Variants in TBC1D5 observed in about 807,000 individuals in gnomAD.
TBC1D5 encodes TBC1 domain family, member 5.
A neutral mutation model predicts 100.3 loss-of-function variants in TBC1D5; 75 were observed. The ratio of observed to expected loss-of-function variants is 0.75; its 90% confidence interval spans 0.62 to 0.91. The LOEUF is 0.91. Among genes scored for constraint, TBC1D5 ranks in the 40% least tolerant of loss-of-function variants. TBC1D5 has a pLI of 0.00. For missense variants in TBC1D5, 910 were observed against 942.4 expected (o/e 0.97, Z 0.45); for synonymous variants, 323 against 325.6 (o/e 0.99, Z 0.09).
At chr3:17,160,912 G>C in exon 22 of TBC1D5, 1 of 1,568,956 alleles carries the variant, frequency 6.4e-7, no homozygotes, top group South Asian at 1.2e-5. Context: ...TCTGGCCTTG[G>C]GGCCACTGAA....
intron 11 of TBC1D5, 22 bp downstream of exon 11, chr3:17,374,602 TAAAAC>T: frequency 2.5e-6 from 4 of 1,610,068 alleles, no homozygotes; most frequent in Admixed American, 1.7e-5. Context: ...TATAAAAAAA[TAAAAC>T]AAAGAAAGTT....
At chr3:17,167,957 G>T in intron 19 of TBC1D5, 129 bp from the exon 21 acceptor site, 1 of 672,606 alleles carries the variant, frequency 1.5e-6, no homozygotes, top group Middle Eastern at 2.5e-4. Flanking sequence ...CACAAAAGAT[G>T]CTCTGCAAAC....
intron 19 of TBC1D5, among the ~76,000 whole-genome samples, chr3:17,176,052 G>C (rs2067689820): frequency 6.6e-6 from 1 of 152,328 alleles, no homozygotes; most frequent in East Asian, 1.9e-4. Flanking sequence ...AACATGGAGA[G>C]GCAGCCTGGT....
chr3:17,530,061 T>C (rs758063201), intron 2 of TBC1D5, among the ~76,000 whole-genome samples: 2 of 151,938 alleles, frequency 1.3e-5, no homozygotes, highest in Admixed American at 6.6e-5. Context: ...CTGGCGAACA[T>C]AGTGAAATCC....
intron 3 of TBC1D5, among the ~76,000 whole-genome samples, chr3:17,506,066 T>C (rs1207756324): frequency 4.6e-5 from 7 of 152,216 alleles, no homozygotes. Context: ...TTTAAATACT[T>C]AGAAAATGAG....
At chr3:17,157,579 CCAGGTGT>C (rs1238038573) in exon 22 of TBC1D5, 1 of 152,328 alleles carries the variant, frequency 6.6e-6, no homozygotes, top group Non-Finnish European at 1.5e-5. Context: ...GGGCCAGGGG[CCAGGTGT>C]GTGTCCGCAG....
At chr3:17,340,149 T>C (rs1299318183) in intron 13 of TBC1D5, among the ~76,000 whole-genome samples, 2 of 152,100 alleles carry the variant, frequency 1.3e-5, no homozygotes, top group Non-Finnish European at 2.9e-5. Flanking sequence ...GGGGGTAAAG[T>C]AACACAAGAG....
intron 2 of TBC1D5, among the ~76,000 whole-genome samples, chr3:17,582,683 CAAA>C (rs141006663): frequency 1.2e-5 from 1 of 82,024 alleles, no homozygotes; most frequent in Non-Finnish European, 2.7e-5. Context: ...AGTATGCTAT[CAAA>C]AAAAAAAAAA....
At chr3:17,616,543 A>C (rs527865590) in intron 2 of TBC1D5, among the ~76,000 whole-genome samples, 2 of 152,184 alleles carry the variant, frequency 1.3e-5, no homozygotes, top group African/African-American at 2.4e-5. Context: ...GTAGGTCTTT[A>C]AGGACTTGCT....
chr3:17,668,733 C>A (rs1329622598), intron 1 of TBC1D5, among the ~76,000 whole-genome samples: 3 of 151,686 alleles, frequency 2.0e-5, no homozygotes, highest in African/African-American at 7.3e-5. Context: ...AGATTTTTAA[C>A]TTACCTCAAA....
chr3:17,618,529 G>T (rs2062378557), intron 2 of TBC1D5, among the ~76,000 whole-genome samples: 2 of 152,240 alleles, frequency 1.3e-5, no homozygotes, highest in Admixed American at 1.3e-4. Flanking sequence ...AGAGGCAATA[G>T]AACTTGCTGA....
exon 22 of TBC1D5, chr3:17,159,359 T>C (rs555970158): frequency 3.9e-5 from 6 of 152,200 alleles, no homozygotes; most frequent in Non-Finnish European, 7.3e-5. Flanking sequence ...TATAGAGATA[T>C]ATAAGGTTAG....
At chr3:17,522,083 A>T (rs2096069512) in intron 2 of TBC1D5, among the ~76,000 whole-genome samples, 1 of 152,098 alleles carries the variant, frequency 6.6e-6, no homozygotes. Context: ...AACATAACAT[A>T]TAAATATATA....
At chr3:17,689,907 C>CA (rs921784559) in intron 1 of TBC1D5, among the ~76,000 whole-genome samples, 16 of 140,284 alleles carry the variant, frequency 1.1e-4, no homozygotes, top group African/African-American at 3.9e-4. Context: ...CCCTCCCCCC[C>CA]AAAAAATCAG....
chr3:17,689,536 AG>A (rs139043517), intron 1 of TBC1D5, among the ~76,000 whole-genome samples: 3 of 150,116 alleles, frequency 2.0e-5, no homozygotes, highest in African/African-American at 7.4e-5. Flanking sequence ...AAAAAAAAAA[AG>A]AAAAGAAAAA....
intron 1 of TBC1D5, among the ~76,000 whole-genome samples, chr3:17,673,294 G>T (rs2068178502): frequency 6.8e-6 from 1 of 147,422 alleles, no homozygotes; most frequent in African/African-American, 2.5e-5. Context: ...CTTATTTTCT[G>T]TACTTTCTTT....
chr3:17,614,443 T>C (rs910576494), intron 2 of TBC1D5, among the ~76,000 whole-genome samples: 13 of 152,222 alleles, frequency 8.5e-5, no homozygotes, highest in South Asian at 2.1e-4. Context: ...GGTAGCTTGA[T>C]GGCGATGGTA....
At chr3:17,166,654 TTCA>T in intron 21 of TBC1D5, 110 bp downstream of exon 22, 1 of 1,450,386 alleles carries the variant, frequency 6.9e-7, no homozygotes, top group Non-Finnish European at 9.3e-7. Context: ...GCAGTTGAAC[TTCA>T]TACATGGTAA....
At chr3:17,597,549 C>T (rs1234529628) in intron 2 of TBC1D5, among the ~76,000 whole-genome samples, 1 of 152,088 alleles carries the variant, frequency 6.6e-6, no homozygotes, top group African/African-American at 2.4e-5. Flanking sequence ...TTATCATTAC[C>T]CACTCTGTTC....
Sources: allele counts gnomAD v4.1 joint callset (sites outside exome capture counted in the v4.1 genomes callset), GRCh38; gene constraint gnomAD v4.1.1; transcripts MANE v1.5; gene names NCBI Gene and HGNC (gene_info 2026-07-23, HGNC 2026-07-21).